The following ABCC11 variants were observed in gnomAD, a reference collection of about 807,000 sequenced individuals.
ABCC11 encodes ATP binding cassette subfamily C member 11.
Under a neutral mutation model 149.3 loss-of-function variants are expected in ABCC11, and 135 were observed. The observed-to-expected ratio is 0.90, with a 90% CI of 0.79 to 1.04. ABCC11 has a LOEUF of 1.04. ABCC11 is among the 50% of genes least tolerant of loss of function. ABCC11 has a pLI of 0.00. For synonymous variants in ABCC11, 665 were observed against 671.4 expected (o/e 0.99, Z 0.15); for missense variants, 1,680 against 1,722.1 (o/e 0.98, Z 0.43).
chr16:48,182,163 C>T (rs540218903), intron 23 of ABCC11, among the ~76,000 whole-genome samples: 1 of 152,336 alleles, frequency 6.6e-6, no homozygotes, highest in Non-Finnish European at 1.5e-5. Context: ...TGCTCATGGA[C>T]ATACATGCAC....
chr16:48,185,216 G>T (rs1042919909), intron 22 of ABCC11, among the ~76,000 whole-genome samples: 4 of 152,096 alleles, frequency 2.6e-5, no homozygotes, highest in African/African-American at 9.7e-5. Flanking sequence ...TTAAAAGCTT[G>T]ATTTAATGAA....
At chr16:48,230,610 T>G in intron 2 of ABCC11, 37 bp from the exon 3 acceptor site, 1 of 1,506,050 alleles carries the variant, frequency 6.6e-7, no homozygotes. Context: ...CAGTTTCAAA[T>G]CTCGTAAATT....
At chr16:48,201,657 C>T (rs893891166) in intron 14 of ABCC11, among the ~76,000 whole-genome samples, 2 of 151,962 alleles carry the variant, frequency 1.3e-5, no homozygotes, top group African/African-American at 2.4e-5. Flanking sequence ...GGACCATTGG[C>T]CTGGGTTACA....
At chr16:48,200,233 C>T (rs1188786023) in intron 15 of ABCC11, 43 bp downstream of exon 15, 5 of 1,583,988 alleles carry the variant, frequency 3.2e-6, no homozygotes, top group Admixed American at 1.7e-5. Flanking sequence ...TGAGGATCTA[C>T]GTTATCCGTC....
intron 13 of ABCC11, among the ~76,000 whole-genome samples, chr16:48,205,181 C>T (rs887309620): frequency 4.6e-5 from 7 of 152,242 alleles, no homozygotes; most frequent in African/African-American, 1.7e-4. Context: ...GGCTCTATCA[C>T]ATCCCACCAC....
At chr16:48,223,315 C>T (rs144113478) in intron 5 of ABCC11, among the ~76,000 whole-genome samples, 82 of 152,250 alleles carry the variant, frequency 5.4e-4, no homozygotes, top group African/African-American at 1.9e-3. Flanking sequence ...GGAGGGAGGC[C>T]GCCTGGGGAA....
intron 12 of ABCC11, among the ~76,000 whole-genome samples, chr16:48,206,877 A>G (rs565791564): frequency 2.0e-5 from 3 of 152,330 alleles, no homozygotes; most frequent in Admixed American, 6.5e-5. Context: ...GGAGGTTACC[A>G]GAGTTAAAGG....
chr16:48,233,346 C>G (rs1970525500), intron 1 of ABCC11, among the ~76,000 whole-genome samples: 1 of 152,242 alleles, frequency 6.6e-6, no homozygotes. Context: ...AAATCACAAC[C>G]AGATCTGGTA....
chr16:48,231,021 T>G (rs1970385831), intron 2 of ABCC11, among the ~76,000 whole-genome samples: 2 of 152,144 alleles, frequency 1.3e-5, no homozygotes, highest in African/African-American at 4.8e-5. Context: ...AAATAATATA[T>G]TCTATATAAA....
chr16:48,192,369 G>C, intron 20 of ABCC11, 151 bp downstream of exon 20: 1 of 829,546 alleles, frequency 1.2e-6, no homozygotes, highest in Non-Finnish European at 1.8e-6. Flanking sequence ...ACTTCAGCCT[G>C]GAAGGTGGAG....
At chr16:48,198,386 C>G (rs1277619469) in intron 15 of ABCC11, 111 bp from the exon 16 acceptor site, 1 of 1,183,272 alleles carries the variant, frequency 8.5e-7, no homozygotes, top group Non-Finnish European at 1.2e-6. Flanking sequence ...TATTTCATAC[C>G]AACAGATGAG....
intron 25 of ABCC11, 80 bp downstream of exon 25, chr16:48,176,844 A>G: frequency 6.8e-7 from 1 of 1,461,912 alleles, no homozygotes; most frequent in South Asian, 1.4e-5. Flanking sequence ...ATGACTGAGC[A>G]AACACATGCC....
intron 20 of ABCC11, among the ~76,000 whole-genome samples, chr16:48,190,649 G>A (rs1475720527): frequency 6.6e-6 from 1 of 152,180 alleles, no homozygotes; most frequent in Admixed American, 6.5e-5. Flanking sequence ...CCAGGCGTGA[G>A]CTACTGCACC....
At chr16:48,242,458 C>G (rs1199292327) in intron 1 of ABCC11, among the ~76,000 whole-genome samples, 1 of 152,152 alleles carries the variant, frequency 6.6e-6, no homozygotes, top group Non-Finnish European at 1.5e-5. Flanking sequence ...GGACTGTAAA[C>G]TAGTTCAACC....
At chr16:48,246,857 C>T (rs1261342319) in intron 1 of ABCC11, among the ~76,000 whole-genome samples, 2 of 152,110 alleles carry the variant, frequency 1.3e-5, no homozygotes, top group African/African-American at 4.8e-5. Flanking sequence ...TATAGGCAAG[C>T]GCCACCATAC....
At chr16:48,197,064 C>T (rs956557709) in intron 17 of ABCC11, among the ~76,000 whole-genome samples, 27 of 152,156 alleles carry the variant, frequency 1.8e-4, no homozygotes, top group African/African-American at 6.3e-4. Flanking sequence ...GTGGCTCATG[C>T]CTATAATCCC....
intron 1 of ABCC11, among the ~76,000 whole-genome samples, 152 bp downstream of exon 1, chr16:48,247,162 G>A (rs1971437795): frequency 6.6e-6 from 1 of 152,124 alleles, no homozygotes; most frequent in Non-Finnish European, 1.5e-5. Context: ...CATATTCCTT[G>A]GTAATAGTTT....
chr16:48,179,010 A>G (rs1401969848), intron 23 of ABCC11, among the ~76,000 whole-genome samples: 1 of 152,174 alleles, frequency 6.6e-6, no homozygotes, highest in Admixed American at 6.5e-5. Context: ...CCAGAAACCC[A>G]GGAGACTTAA....
rs1965620652 is a variant in ABCC11 at position 48,170,203 on chromosome 16, T to C, written c.3793A>G (p.Lys1265Glu). ...TCCACCACATCTGTATGCAGCTTTT[T>C]GGGGAACTTTGAGATCTGCGATATG... Reference protein sequence around the residue: ...FLTKAISKFPKKLHTDVVENG... With the variant: ...FLTKAISKFPEKLHTDVVENG... Residue 1265 changes from lysine (K) to glutamate (E), a missense_variant, in exon 28 of 30, where the codon AAA (lysine) becomes GAA (glutamate). By Grantham distance (56) the Lys-to-Glu change is moderately conservative. Coordinates refer to ENST00000356608, the MANE Select transcript of ABCC11 (RefSeq NM_001370497.1). 3 of 1,613,912 alleles carry C rather than the reference T, an allele frequency of 1.9e-6. No individual in the cohort carries two copies. Among genetic ancestry groups the C allele is most frequent in the Non-Finnish European group, 2.5e-6 (3 of 1,179,798 alleles).
Sources: gnomAD v4.1 joint callset for allele counts (sites outside exome capture counted in the v4.1 genomes callset) on GRCh38, gnomAD v4.1.1 for gene constraint, MANE v1.5 for transcripts, NCBI Gene and HGNC (gene_info 2026-07-23, HGNC 2026-07-21) for gene names.